DYNC2I1: variants seen among roughly 807,000 people sequenced by gnomAD.
The protein encoded by DYNC2I1 is dynein 2 intermediate chain 1.
A neutral mutation model predicts 133.4 loss-of-function variants in DYNC2I1; 89 were observed. The ratio of observed to expected loss-of-function variants is 0.67; its 90% CI spans 0.56 to 0.80. The LOEUF is 0.80. Ranked by LOEUF, DYNC2I1 falls within the 30% of genes least tolerant of loss-of-function variation. DYNC2I1 has a pLI of 0.00. For synonymous variants in DYNC2I1, 504 were observed against 484.3 expected, an observed-to-expected ratio of 1.04 and a Z score of -0.54; for missense variants, 1,291 against 1,314.5, an observed-to-expected ratio of 0.98 and a Z score of 0.28.
intron 21 of DYNC2I1, among the ~76,000 whole-genome samples, chr7:158,932,325 A>T (rs2129487695): frequency 6.6e-6 from 1 of 152,240 alleles, no homozygotes; most frequent in African/African-American, 2.4e-5. Flanking sequence ...GGAGGCAAAG[A>T]CTGAGCCAGG....
the DYNC2I1 span, among the ~76,000 whole-genome samples, chr7:158,841,839 A>G: frequency 2.0e-5 from 3 of 152,188 alleles, no homozygotes; most frequent in Non-Finnish European, 4.4e-5. Context: ...GGTTGACGTG[A>G]GGTTCACATT....
rs779605710 is a variant in DYNC2I1 at position 158,871,419 on chromosome 7, G to C, written c.347G>C (p.Ser116Thr). The C allele has an allele frequency of 6.4e-7, 1 of 1,551,492 alleles. No individual in the cohort carries two copies. The highest frequency in any genetic ancestry group is 1.7e-4 in the Middle Eastern group (1 of 5,992). ...EKHREAEKSH[S>T]RGKDREKEKD... ...CATCGAGAGGCAGAAAAGTCTCACA[G>C]CAGAGGAAAGGACAGGGAAAAAGAA... Residue 116 changes from serine (S) to threonine (T), a missense_variant, in exon 3 of 25, where the codon AGC (serine) becomes ACC (threonine). By Grantham distance (58) the Ser-to-Thr change is moderately conservative. Coordinates refer to ENST00000407559, the MANE Select transcript of DYNC2I1 (RefSeq NM_018051.5).
the DYNC2I1 span, among the ~76,000 whole-genome samples, chr7:158,842,645 C>G: frequency 5.9e-5 from 9 of 152,336 alleles, no homozygotes; most frequent in East Asian, 1.7e-3. Flanking sequence ...CCTTTTCGCT[C>G]ATGTCAAGTG....
chr7:158,956,318 C>T (rs1346995460), intron 4 of DYNC2I1, among the ~76,000 whole-genome samples: 2 of 152,360 alleles, frequency 1.3e-5, no homozygotes, highest in South Asian at 2.1e-4. Context: ...CTCCTCCCTT[C>T]GTCTGGGAGC....
intron 1 of DYNC2I1, among the ~76,000 whole-genome samples, chr7:158,858,848 C>T (rs1215174218): frequency 1.4e-5 from 1 of 73,190 alleles, no homozygotes; most frequent in Non-Finnish European, 2.6e-5. Context: ...CTTTCCCCTC[C>T]CTTCCTCTCC....
At chr7:158,849,116 C>A in the DYNC2I1 span, among the ~76,000 whole-genome samples, 1 of 152,188 alleles carries the variant, frequency 6.6e-6, no homozygotes, top group Non-Finnish European at 1.5e-5. Flanking sequence ...AGTCCCTTGG[C>A]TCAGCTCCCT....
At chr7:158,916,136 G>C (rs201854212) in intron 14 of DYNC2I1, among the ~76,000 whole-genome samples, 35 of 72,960 alleles carry the variant, frequency 4.8e-4, no homozygotes, top group African/African-American at 1.4e-3. Flanking sequence ...ATTGTGAAAC[G>C]TCGACATGGT....
In DYNC2I1 at chr7:158,884,584, A is replaced by G. The variant is rs749510341; in HGVS notation, c.900A>G (p.Arg300=). The G allele has an allele frequency of 4.3e-6, 7 of 1,613,206 alleles. No homozygotes were observed. The highest frequency in any genetic ancestry group is 5.9e-6 in the Non-Finnish European group (7 of 1,179,618). Residue 300 remains arginine (R), a synonymous_variant, in exon 6 of 25, where the codon CGA becomes CGG. Coordinates refer to ENST00000407559, the MANE Select transcript of DYNC2I1 (RefSeq NM_018051.5). ...RESQNGEHRN[R]GASSKRDGTS... The stretch of plus-strand genomic sequence containing the variant: ...GATAGAATGGTGAACACAGAAATCG[A>G]GGTGCAAGCTCAAAAAGAGATGGGA...
chr7:158,907,311 A>C (rs1846933917), intron 11 of DYNC2I1, among the ~76,000 whole-genome samples: 1 of 136,318 alleles, frequency 7.3e-6, no homozygotes, highest in Non-Finnish European at 1.5e-5. Context: ...ACCTGATTCA[A>C]GTTCTCAGAA....
At chr7:158,871,028 T>C (rs1362159693) in intron 2 of DYNC2I1, 114 bp from the exon 3 acceptor site, 5 of 1,228,650 alleles carry the variant, frequency 4.1e-6, no homozygotes, top group Non-Finnish European at 5.6e-6. Context: ...AGCAGTTGAA[T>C]GCAAATATGT....
intron 4 of DYNC2I1, among the ~76,000 whole-genome samples, chr7:158,956,216 A>G (rs1852194848): frequency 6.6e-6 from 1 of 152,194 alleles, no homozygotes; most frequent in Non-Finnish European, 1.5e-5. Context: ...CTGCGGCTGT[A>G]GGATCCACAA....
chr7:158,943,489 C>T (rs985750972), intron 24 of DYNC2I1, among the ~76,000 whole-genome samples: 2 of 152,046 alleles, frequency 1.3e-5, no homozygotes, highest in Admixed American at 6.6e-5. Context: ...GGGTCAGGGC[C>T]GAGGGGGCAG....
At chr7:158,876,488 A>C in intron 3 of DYNC2I1, 121 bp from the exon 4 acceptor site, 3 of 1,283,590 alleles carry the variant, frequency 2.3e-6, no homozygotes, top group Non-Finnish European at 3.1e-6. Context: ...TAGTTGAAGA[A>C]TATTTTCAAA....
the DYNC2I1 span, among the ~76,000 whole-genome samples, chr7:158,847,112 A>G: frequency 5.9e-5 from 9 of 152,240 alleles, no homozygotes; most frequent in Admixed American, 5.9e-4. Context: ...GGTTCACATC[A>G]CTTTAGTAAT....
chr7:158,912,288 C>T (rs1563155071), intron 12 of DYNC2I1, among the ~76,000 whole-genome samples: 1 of 152,160 alleles, frequency 6.6e-6, no homozygotes, highest in Non-Finnish European at 1.5e-5. Context: ...CAACAAGGTT[C>T]TAAAGATTTT....
In DYNC2I1 at chr7:158,871,424, G is replaced by A; in HGVS notation, c.352G>A (p.Gly118Arg). The change falls in exon 3 of 25, where the codon GGA becomes AGA. Residue 118 changes from glycine to arginine, a missense_variant. Physicochemically the swap from Gly to Arg is moderately radical, Grantham distance 125 (BLOSUM62 -2). Transcript: ENST00000407559. Reference protein sequence around the residue: ...HREAEKSHSRGKDREKEKDRR... With the variant: ...HREAEKSHSRRKDREKEKDRR... The stretch of plus-strand genomic sequence containing the variant: ...AGAGGCAGAAAAGTCTCACAGCAGA[G>A]GAAAGGACAGGGAAAAAGAAAAAGA... The A allele has an allele frequency of 6.4e-7, 1 of 1,551,532 alleles. No individual in the cohort carries two copies. Among genetic ancestry groups the A allele is most frequent in the Non-Finnish European group, 8.7e-7 (1 of 1,147,000 alleles).
chr7:158,864,507 C>T (rs970308826), intron 1 of DYNC2I1, among the ~76,000 whole-genome samples: 1 of 152,172 alleles, frequency 6.6e-6, no homozygotes, highest in East Asian at 1.9e-4. Flanking sequence ...GTGACGCTTT[C>T]CTCTGTTTAT....
chr7:158,921,752 G>A (rs373486723), intron 15 of DYNC2I1, among the ~76,000 whole-genome samples: 1 of 152,148 alleles, frequency 6.6e-6, no homozygotes, highest in African/African-American at 2.4e-5. Context: ...TTGACTTGGC[G>A]CCTGCCAGCG....
At chr7:158,906,214 T>G in intron 11 of DYNC2I1, 123 bp downstream of exon 11, 2 of 757,824 alleles carry the variant, frequency 2.6e-6, no homozygotes, top group Admixed American at 5.3e-5. Flanking sequence ...GTGTATGACT[T>G]AATTTGTACT....
Sources: gnomAD v4.1 joint callset for allele counts (sites outside exome capture counted in the v4.1 genomes callset) on GRCh38, gnomAD v4.1.1 for gene constraint, MANE v1.5 for transcripts, NCBI Gene and HGNC (gene_info 2026-07-23, HGNC 2026-07-21) for gene names.